COL4A5: variants seen among roughly 807,000 people sequenced by gnomAD.
COL4A5 encodes collagen alpha-5(IV) chain.
In COL4A5, 26 loss-of-function variants were observed where a neutral mutation model predicts 130.2. The observed-to-expected ratio is 0.20, with a 90% CI of 0.15 to 0.28. COL4A5 has a LOEUF of 0.28. Among genes scored for constraint, COL4A5 ranks in the 10% least tolerant of loss-of-function variants. The pLI is 1.00. For missense variants in COL4A5, 1,131 were observed against 1,344.3 expected (o/e 0.84, Z 2.48); for synonymous variants, 496 against 439.6 (o/e 1.13, Z -1.60).
At chrX:108,442,230 T>C (rs1308047757) in intron 1 of COL4A5, among the ~76,000 whole-genome samples, 2 of 111,756 alleles carry the variant, frequency 1.8e-5, no homozygotes, top group African/African-American at 6.5e-5. Context: ...TGGAGTAGTT[T>C]AGTATTGGGG....
At chrX:108,644,919 CAAAAAAA>C (rs778790757) in intron 36 of COL4A5, among the ~76,000 whole-genome samples, 9 of 47,552 alleles carry the variant, frequency 1.9e-4, no homozygotes, top group Non-Finnish European at 4.7e-4. Context: ...ACAACAACAA[CAAAAAAA>C]AAAAAAAAAA....
rs7886155 is a variant in COL4A5 at position 108,487,843 on chromosome X, A to G, written c.81+47637A>G. Among the ~76,000 whole-genome samples, 827 of 112,368 alleles carry G rather than the reference A, an allele frequency of 7.4e-3. 4 individuals are homozygous for G. The highest frequency in any genetic ancestry group is 0.026 in the African/African-American group (791 of 30,975). ...AAACTTATAATACCATGAACTAAGC[A>G]TCAGCCTGATTAGCTACTGATTTTG... On this transcript the variant is annotated intron_variant, in intron 1 of 52. Coordinates refer to ENST00000328300, the MANE Select transcript of COL4A5 (RefSeq NM_033380.3).
At chrX:108,572,373 C>T (rs1198388435) in intron 8 of COL4A5, among the ~76,000 whole-genome samples, 1 of 111,865 alleles carries the variant, frequency 8.9e-6, no homozygotes, top group Non-Finnish European at 1.9e-5. Flanking sequence ...TCATCAGCCT[C>T]TCTGACATCT....
chrX:108,549,520 G>T (rs2065717773), intron 2 of COL4A5, among the ~76,000 whole-genome samples: 1 of 111,481 alleles, frequency 9.0e-6, no homozygotes, highest in African/African-American at 3.2e-5. Context: ...AATAAATCAA[G>T]GAAAATTAGA....
chrX:108,528,737 C>A (rs1008481753), intron 1 of COL4A5, among the ~76,000 whole-genome samples: 1 of 112,256 alleles, frequency 8.9e-6, no homozygotes, highest in African/African-American at 3.2e-5. Context: ...GAAGTCAGTT[C>A]TTTTTAAATA....
chrX:108,586,852 A>G (rs1162424621), intron 19 of COL4A5, 105 bp downstream of exon 19: 9 of 882,868 alleles, frequency 1.0e-5, no homozygotes, highest in Middle Eastern at 3.2e-4. Context: ...TAGGAGACAC[A>G]AGTCCTTTTT....
chrX:108,601,560 T>C (rs1443038359), intron 26 of COL4A5, 75 bp downstream of exon 26: 1 of 706,599 alleles, frequency 1.4e-6, no homozygotes, highest in Non-Finnish European at 2.2e-6. Flanking sequence ...AGAGTTTCGC[T>C]CTGTCACCCA....
At chrX:108,511,580 A>G (rs1569479471) in intron 1 of COL4A5, among the ~76,000 whole-genome samples, 1 of 111,910 alleles carries the variant, frequency 8.9e-6, no homozygotes, top group Non-Finnish European at 1.9e-5. Flanking sequence ...AGTTACAGTA[A>G]TCAAGACTGT....
rs757995975 is a variant in COL4A5 at position 108,628,249 on chromosome X, A to G, written c.3246+1900A>G. On this transcript the variant is annotated intron_variant, in intron 36 of 52. Transcript: ENST00000328300. ...AAGATTCTTATCCATATTCTTACAT[A>G]CATATCTTAAGAATCTTTGGTAAAT... is the stretch of plus-strand genomic sequence containing the variant. 6.3e-5 allele frequency among the ~76,000 whole-genome samples: 7 copies of G among 111,387 alleles called. No individual in the cohort carries two copies. The East Asian group carries it at 1.7e-3, about 27-fold the overall frequency.
At chrX:108,450,819 A>C (rs1433614539) in intron 1 of COL4A5, among the ~76,000 whole-genome samples, 2 of 110,816 alleles carry the variant, frequency 1.8e-5, no homozygotes, top group African/African-American at 6.6e-5. Context: ...TGAATAAAAA[A>C]AGCTAGTTTT....
At chrX:108,569,020 T>C (rs748673150) in intron 6 of COL4A5, 199 bp downstream of exon 6, 4 of 414,303 alleles carry the variant, frequency 9.7e-6, no homozygotes, top group Non-Finnish European at 1.7e-5. Flanking sequence ...TTAGCTGGGA[T>C]ATTGCATTGG....
intron 28 of COL4A5, among the ~76,000 whole-genome samples, chrX:108,605,424 A>G (rs1006705227): frequency 9.0e-6 from 1 of 111,674 alleles, no homozygotes; most frequent in Non-Finnish European, 1.9e-5. Context: ...TTTTTTTATT[A>G]AGTTCACCAT....
chrX:108,687,370 A>G lies in COL4A5; in HGVS notation c.4316-112A>G. On this transcript the variant is annotated intron_variant, in intron 48 of 52. Coordinates refer to ENST00000328300, the MANE Select transcript of COL4A5 (RefSeq NM_033380.3). ...CTGACAATGCCTTTATAGACACTCT[A>G]TAAATATCAAATAAATTAACTAGTC... 5 of 666,431 alleles carry G rather than the reference A, an allele frequency of 7.5e-6. No individual in the cohort carries two copies. The South Asian group carries it at 9.4e-5, about 13-fold the overall frequency. The allele number at this position is 666,431 out of a possible 1,213,427, so 54.9% of individuals were successfully genotyped here. A position where few individuals can be genotyped will look rare whatever the true frequency, so the allele number is the denominator to read the frequency against.
At chrX:108,615,259 T>C (rs2066906703) in intron 30 of COL4A5, among the ~76,000 whole-genome samples, 1 of 111,909 alleles carries the variant, frequency 8.9e-6, no homozygotes, top group Non-Finnish European at 1.9e-5. Flanking sequence ...ATAATACAAT[T>C]GCAGTGTATT....
At chrX:108,544,255 T>C (rs1209353185) in intron 2 of COL4A5, among the ~76,000 whole-genome samples, 1 of 112,041 alleles carries the variant, frequency 8.9e-6, no homozygotes, top group Non-Finnish European at 1.9e-5. Flanking sequence ...TTGTCATAGA[T>C]AGCTCTTATT....
intron 51 of COL4A5, 46 bp downstream of exon 51, chrX:108,694,967 A>G (rs965040655): frequency 1.0e-6 from 1 of 956,666 alleles, no homozygotes; most frequent in African/African-American, 1.9e-5. Flanking sequence ...CTGACTGTCC[A>G]TTCCATCTAC....
chrX:108,647,571 A>T (rs2067625872), intron 36 of COL4A5, among the ~76,000 whole-genome samples: 1 of 111,053 alleles, frequency 9.0e-6, no homozygotes, highest in Admixed American at 9.5e-5. Context: ...AATACCCTTT[A>T]TTTTCTTCTC....
chrX:108,577,372 CAAAA>C (rs746311921), intron 10 of COL4A5, among the ~76,000 whole-genome samples: 2 of 29,914 alleles, frequency 6.7e-5, no homozygotes, highest in African/African-American at 9.1e-5. Context: ...AACTCCTTCT[CAAAA>C]AAAAAAAAAA....
chrX:108,631,376 T>C (rs2067256106), intron 36 of COL4A5, among the ~76,000 whole-genome samples: 1 of 111,310 alleles, frequency 9.0e-6, no homozygotes, highest in African/African-American at 3.3e-5. Flanking sequence ...TTCACATCCC[T>C]TATAAGTTGT....
Sources: gnomAD v4.1 joint callset for allele counts (sites outside exome capture counted in the v4.1 genomes callset) on GRCh38, gnomAD v4.1.1 for gene constraint, MANE v1.5 for transcripts, NCBI Gene and HGNC (gene_info 2026-07-23, HGNC 2026-07-21) for gene names.